PRRT4: variants seen among roughly 807,000 people sequenced by gnomAD.
PRRT4 encodes the protein proline-rich transmembrane protein 4.
A neutral mutation model predicts 55.6 loss-of-function variants in PRRT4; 59 were observed. The ratio of observed to expected loss-of-function variants is 1.06; its 90% CI spans 0.86 to 1.32. The LOEUF (loss-of-function observed/expected upper bound fraction) is 1.32, where lower values mean the gene tolerates loss of function less well. Among genes scored for constraint, PRRT4 ranks in the 40% most tolerant of loss-of-function variants. The pLI is 0.00. For missense variants in PRRT4, 1,217 were observed against 1,222.0 expected, an observed-to-expected ratio of 1.00 and a Z score of 0.06; for synonymous variants, 606 against 601.8, an observed-to-expected ratio of 1.01 and a Z score of -0.10.
In PRRT4 at chr7:128,360,877, G is replaced by A. The variant is rs190863067; in HGVS notation, c.-73+684C>T. Among the ~76,000 whole-genome samples, 373 of 151,926 alleles carry A rather than the reference G, an allele frequency of 2.5e-3. 1 individual carries two copies. Among genetic ancestry groups the A allele is most frequent in the African/African-American group, 8.6e-3 (355 of 41,418 alleles). On this transcript the variant is annotated intron_variant, in intron 1 of 4. Coordinates refer to ENST00000535159, the Ensembl canonical transcript of PRRT4. Reference sequence around the variant, plus strand: ...CACATCTGGTGGGGGAAGGGAGGGTGAGCCAGGGACACACATGCACCCGGC... The same window carrying A: ...CACATCTGGTGGGGGAAGGGAGGGTAAGCCAGGGACACACATGCACCCGGC...
chr7:128,354,226 C>T (rs909236436), intron 4 of PRRT4, among the ~76,000 whole-genome samples: 2 of 152,198 alleles, frequency 1.3e-5, no homozygotes, highest in African/African-American at 4.8e-5. Flanking sequence ...CAGGAGCACC[C>T]CCAGCCACAG....
chr7:128,357,724 G>A (rs1797146940), intron 4 of PRRT4, among the ~76,000 whole-genome samples: 1 of 152,178 alleles, frequency 6.6e-6, no homozygotes, highest in South Asian at 2.1e-4. Context: ...TGACTGAGAA[G>A]TTTCACAGCC....
exon 5 of PRRT4, chr7:128,351,751 A>C: frequency 6.9e-7 from 1 of 1,453,436 alleles, no homozygotes; most frequent in South Asian, 1.4e-5. Flanking sequence ...GCGCAGGCCT[A>C]GCTGGAAGGC....
At chr7:128,352,625 C>T (rs1167578793) in exon 5 of PRRT4, 8 of 1,540,876 alleles carry the variant, frequency 5.2e-6, no homozygotes, top group East Asian at 2.4e-5. Flanking sequence ...GAAGGGTTCC[C>T]GAGGCTGGCG....
rs1287811640 is a variant in PRRT4, at chr7:128,359,268, C to A, written c.653-15G>T. On this transcript the variant is annotated splice_polypyrimidine_tract_variant and intron_variant, in intron 2 of 4. Coordinates refer to ENST00000535159, the Ensembl canonical transcript of PRRT4. ...GCCAAAGAATCCTGCAAAAGAAGCC[C>A]AGGCTGAAGCTGCCTCCTACCTGCC... 2 of 1,547,140 alleles carry A rather than the reference C, an allele frequency of 1.3e-6. No homozygotes were observed. Among genetic ancestry groups the A allele is most frequent in the Non-Finnish European group, 1.7e-6 (2 of 1,145,194 alleles).
At chr7:128,359,704 G>T in exon 2 of PRRT4, 1 of 1,551,552 alleles carries the variant, frequency 6.4e-7, no homozygotes. Flanking sequence ...CCCAAAGGGG[G>T]TCAGTCCTCA....
exon 1 of PRRT4, chr7:128,361,646 C>T (rs1471664567): frequency 6.6e-6 from 1 of 152,348 alleles, no homozygotes; most frequent in Admixed American, 6.6e-5. Flanking sequence ...GAGCCTCGCT[C>T]CCCGGCGAAG....
At position 128,358,701 on chromosome 7, in the gene PRRT4, G is replaced by A. The variant is rs763349055; in HGVS notation, c.857C>T (p.Ser286Leu). ...CTTACCTAATGATGTTGTTGCAATC[G>A]AGGCAAAACTTAGGGAAGCAGCTGG... Residue 286 changes from serine (S) to leucine (L), a missense_variant, in exon 4 of 5, where the codon TCG becomes TTG. Physicochemically the swap from Ser to Leu is moderately radical, Grantham distance 145. Transcript: ENST00000535159. This position sits in a 1 kb window ranked among gnomAD's most constrained non-coding sequence, Gnocchi z 4.4. 23 of 1,551,712 alleles carry A rather than the reference G, an allele frequency of 1.5e-5. No individual in the cohort carries two copies. The East Asian group carries it at 3.4e-4, about 23-fold the overall frequency.
At chr7:128,352,466 C>T in exon 5 of PRRT4, 4 of 1,539,632 alleles carry the variant, frequency 2.6e-6, no homozygotes, top group Non-Finnish European at 3.5e-6. Flanking sequence ...ACGTGGGCCT[C>T]CCAGGCCAGC....
At chr7:128,359,739 G>A (rs1797201465) in exon 2 of PRRT4, 2 of 1,551,266 alleles carry the variant, frequency 1.3e-6, no homozygotes, top group Non-Finnish European at 1.7e-6. Flanking sequence ...TCTTCCCCTG[G>A]CTCCTGGCCT....
At chr7:128,351,905 G>C in exon 5 of PRRT4, 1 of 1,323,592 alleles carries the variant, frequency 7.6e-7, no homozygotes, top group Non-Finnish European at 9.6e-7. Context: ...CAGGACTCCC[G>C]AGGGGCGAAG....
At chr7:128,351,484 C>A in exon 5 of PRRT4, 1 of 1,519,506 alleles carries the variant, frequency 6.6e-7, no homozygotes, top group Non-Finnish European at 8.8e-7. Context: ...GCAACCTCCG[C>A]CCTGGAGTAG....
At chr7:128,351,663 C>A in exon 5 of PRRT4, 1 of 1,512,640 alleles carries the variant, frequency 6.6e-7, no homozygotes, top group Non-Finnish European at 8.8e-7. Context: ...CCCAGCAGCG[C>A]GGCGGCACGC....
chr7:128,359,234 C>T, exon 3 of PRRT4: 1 of 1,551,016 alleles, frequency 6.4e-7, no homozygotes, highest in South Asian at 1.2e-5. Flanking sequence ...GGAGTGGGGA[C>T]AGAGTAGTGC....
chr7:128,354,570 A>AAC (rs927167837), intron 4 of PRRT4, among the ~76,000 whole-genome samples: 1,423 of 83,578 alleles, frequency 0.017, 10 homozygotes, highest in East Asian at 0.065. Context: ...GCTCAAAAAA[A>AAC]ACACACACAC....
chr7:128,354,499 G>C (rs1309218918), intron 4 of PRRT4, among the ~76,000 whole-genome samples: 1 of 152,136 alleles, frequency 6.6e-6, no homozygotes, highest in Non-Finnish European at 1.5e-5. Flanking sequence ...GGGAGGCGGA[G>C]GTTGCAGTAA....
At chr7:128,351,100 C>T (rs1359928259) in exon 5 of PRRT4, 3 of 1,548,748 alleles carry the variant, frequency 1.9e-6, no homozygotes, top group Non-Finnish European at 2.6e-6. Flanking sequence ...GGGGCTGGAA[C>T]ACAGCAGCAT....
exon 5 of PRRT4, chr7:128,352,521 G>A (rs1185035671): frequency 6.5e-7 from 1 of 1,543,574 alleles, no homozygotes; most frequent in Non-Finnish European, 8.7e-7. Flanking sequence ...CCAGGGTCAG[G>A]AAAAAGAGGG....
exon 5 of PRRT4, chr7:128,352,175 G>C: frequency 7.1e-7 from 1 of 1,404,966 alleles, no homozygotes. Context: ...GGGCACCGCG[G>C]CGGGCGCGGC....
Sources: gnomAD v4.1 joint callset for allele counts (sites outside exome capture counted in the v4.1 genomes callset) on GRCh38, gnomAD v4.1.1 for gene constraint, Gnocchi (gnomAD v3.1) non-coding constraint, MANE v1.5 for transcripts, NCBI Gene and HGNC (gene_info 2026-07-23, HGNC 2026-07-21) for gene names.